LRBA: variants seen among roughly 807,000 people sequenced by gnomAD.
LRBA encodes the protein lipopolysaccharide-responsive and beige-like anchor protein.
In LRBA, 176 loss-of-function variants were observed where a neutral mutation model predicts 330.0. That is an observed-to-expected ratio of 0.53 (90% CI 0.47 to 0.60). The LOEUF is 0.60. LRBA is among the 20% of genes least tolerant of loss of function. The probability of loss-of-function intolerance (pLI) is 0.00; values close to 1 mark genes in which losing one functional copy is unlikely to be tolerated. For missense variants in LRBA, 3,259 were observed against 3,444.8 expected (o/e 0.95, Z 1.35); for synonymous variants, 1,230 against 1,193.0 (o/e 1.03, Z -0.64).
intron 42 of LRBA, among the ~76,000 whole-genome samples, chr4:150,486,953 T>A (rs1488044240): frequency 6.6e-6 from 1 of 151,898 alleles, no homozygotes; most frequent in African/African-American, 2.4e-5. Flanking sequence ...CATGTTATTG[T>A]AGATAACAAG....
At chr4:150,365,917 T>C (rs1175877258) in intron 47 of LRBA, among the ~76,000 whole-genome samples, 3 of 152,254 alleles carry the variant, frequency 2.0e-5, no homozygotes, top group African/African-American at 2.4e-5. Flanking sequence ...TGTTATTTCC[T>C]ACTTAAACAT....
intron 31 of LRBA, among the ~76,000 whole-genome samples, chr4:150,816,810 T>C (rs1237946787): frequency 1.3e-5 from 2 of 151,932 alleles, no homozygotes; most frequent in African/African-American, 4.8e-5. Context: ...ATACATCTTC[T>C]TAAGTGCAGG....
At chr4:150,549,133 A>G (rs773390894) in intron 40 of LRBA, among the ~76,000 whole-genome samples, 4 of 152,004 alleles carry the variant, frequency 2.6e-5, no homozygotes, top group Non-Finnish European at 5.9e-5. Context: ...ATACTTTTTA[A>G]GCAACATTTT....
chr4:150,649,476 C>T (rs935144016), intron 37 of LRBA, among the ~76,000 whole-genome samples: 4 of 152,174 alleles, frequency 2.6e-5, no homozygotes, highest in African/African-American at 9.7e-5. Flanking sequence ...GCTTTTGCAT[C>T]GCATGGTCAT....
intron 42 of LRBA, among the ~76,000 whole-genome samples, chr4:150,477,587 G>C (rs776923797): frequency 1.1e-4 from 17 of 152,204 alleles, no homozygotes; most frequent in African/African-American, 1.9e-4. Flanking sequence ...TATAATTTGA[G>C]ATGAGATTTG....
At chr4:150,348,354 T>A (rs1304531866) in intron 48 of LRBA, among the ~76,000 whole-genome samples, 2 of 152,210 alleles carry the variant, frequency 1.3e-5, no homozygotes, top group African/African-American at 4.8e-5. Flanking sequence ...GAGCTACTTA[T>A]GTCATCTTGG....
Position 150,746,806 on chromosome 4 carries a change from G to A in LRBA, c.5646-11440C>T, listed in dbSNP as rs115480613. On this transcript the variant is annotated intron_variant, in intron 35 of 56. Coordinates refer to ENST00000651943, the MANE Select transcript of LRBA (RefSeq NM_001364905.1). ...ATTATAGGTGTGAGCCACTACGCCCGGCCAAAAGTTGTTTTTCTTTGTAAC... is the reference window on the plus strand; with the variant it reads ...ATTATAGGTGTGAGCCACTACGCCCAGCCAAAAGTTGTTTTTCTTTGTAAC... Among the ~76,000 whole-genome samples the A allele has an allele frequency of 5.7e-3, 867 of 152,068 alleles. 7 individuals carry two copies. Among genetic ancestry groups the A allele is most frequent in the African/African-American group, 0.02 (843 of 41,478 alleles).
intron 26 of LRBA, among the ~76,000 whole-genome samples, chr4:150,848,078 G>T (rs1431708257): frequency 6.6e-6 from 1 of 151,844 alleles, no homozygotes; most frequent in Non-Finnish European, 1.5e-5. Context: ...GCAGTGGTGT[G>T]ATCTTGGCTC....
chr4:150,828,500 G>A lies in LRBA; in HGVS notation c.4851C>T (p.Ser1617=). 6.2e-7 allele frequency: 1 copy of A among 1,614,056 alleles called. No homozygotes were observed. Among genetic ancestry groups the A allele is most frequent in the Non-Finnish European group, 8.5e-7 (1 of 1,179,964 alleles). The change falls in exon 30 of 57, where the codon AGC becomes AGT. Residue 1617 remains serine, a synonymous_variant. Coordinates refer to ENST00000651943, the MANE Select transcript of LRBA (RefSeq NM_001364905.1). The stretch of plus-strand genomic sequence containing the variant: ...CTGTGTGAGGAGTTACTTCCACATG[G>A]CTTCCTAAACCAGTGGCTGTTTCTT... ...IGEETATGLG[S]HVEVTPHTAP...
intron 37 of LRBA, among the ~76,000 whole-genome samples, chr4:150,620,545 G>A (rs1367299742): frequency 1.3e-5 from 2 of 152,098 alleles, no homozygotes; most frequent in Non-Finnish European, 1.5e-5. Context: ...GCAAAGATAC[G>A]GAATCAACCT....
Position 150,993,486 on chromosome 4 carries a change from C to T in LRBA, c.216+20941G>A, listed in dbSNP as rs554080629. ...TTGGGAGGCCAAGGCAGGTGGATCA[C>T]CTGAGGTCAGGAGTTCAAGACCAGC... On this transcript the variant is annotated intron_variant, in intron 2 of 56. Coordinates refer to ENST00000651943, the MANE Select transcript of LRBA (RefSeq NM_001364905.1). Among the ~76,000 whole-genome samples the T allele has an allele frequency of 7.2e-5, 11 of 152,252 alleles. No homozygotes were observed. The South Asian group carries it at 2.3e-3, about 32-fold the overall frequency.
intron 41 of LRBA, among the ~76,000 whole-genome samples, chr4:150,489,664 T>G (rs2152101413): frequency 8.0e-6 from 1 of 124,722 alleles, no homozygotes; most frequent in African/African-American, 3.0e-5. Flanking sequence ...ATATTATATA[T>G]AAGAATATAT....
chr4:150,540,522 A>T (rs1053633281), intron 40 of LRBA, among the ~76,000 whole-genome samples: 2 of 152,300 alleles, frequency 1.3e-5, no homozygotes, highest in East Asian at 3.9e-4. Context: ...ATAAAAATGA[A>T]GATTTTAAGG....
At chr4:150,722,570 C>A (rs764656984) in intron 36 of LRBA, among the ~76,000 whole-genome samples, 10 of 151,932 alleles carry the variant, frequency 6.6e-5, no homozygotes, top group Non-Finnish European at 8.8e-5. Flanking sequence ...ATACAAGTGA[C>A]TAATATCCTC....
intron 2 of LRBA, among the ~76,000 whole-genome samples, chr4:150,975,033 A>G (rs1739991094): frequency 6.6e-6 from 1 of 152,252 alleles, no homozygotes; most frequent in South Asian, 2.1e-4. Context: ...AACACAGCTC[A>G]GAGTCTACCA....
intron 37 of LRBA, among the ~76,000 whole-genome samples, chr4:150,657,291 T>G (rs1446815405): frequency 6.6e-6 from 1 of 152,172 alleles, no homozygotes; most frequent in Non-Finnish European, 1.5e-5. Flanking sequence ...TCTTTATAAT[T>G]AATAATTATG....
intron 37 of LRBA, among the ~76,000 whole-genome samples, chr4:150,606,232 T>C (rs1774609054): frequency 1.3e-5 from 2 of 152,152 alleles, no homozygotes; most frequent in Non-Finnish European, 2.9e-5. Context: ...TTACCAGGGA[T>C]TGAGTAAAGT....
intron 46 of LRBA, among the ~76,000 whole-genome samples, chr4:150,429,749 GAATT>G (rs1308918204): frequency 6.6e-6 from 1 of 151,870 alleles, no homozygotes; most frequent in Non-Finnish European, 1.5e-5. Context: ...CCCCCAGTCA[GAATT>G]AATTTAATTT....
At chr4:150,840,812 G>A (rs376383195) in intron 28 of LRBA, 55 of 567,586 alleles carry the variant, frequency 9.7e-5, no homozygotes, top group Middle Eastern at 8.5e-4. Context: ...TCCAGTAATC[G>A]GCAACATGCA....
Sources: allele counts gnomAD v4.1 joint callset (sites outside exome capture counted in the v4.1 genomes callset), GRCh38; gene constraint gnomAD v4.1.1; transcripts MANE v1.5; gene names NCBI Gene and HGNC (gene_info 2026-07-23, HGNC 2026-07-21).